CSGALNACT1: variants seen among roughly 807,000 people sequenced by gnomAD.
CSGALNACT1 encodes chondroitin sulfate N-acetylgalactosaminyltransferase 1.
A neutral mutation model predicts 51.0 loss-of-function variants in CSGALNACT1; 52 were observed. The ratio of observed to expected loss-of-function variants is 1.02; its 90% CI spans 0.82 to 1.29. CSGALNACT1 has a LOEUF of 1.29. Ranked by LOEUF, CSGALNACT1 falls within the 50% of genes most tolerant of loss-of-function variation. The pLI, the probability that CSGALNACT1 is intolerant of heterozygous loss-of-function variation, is 0.00. For missense variants in CSGALNACT1, 935 were observed against 679.2 expected (o/e 1.38, Z -4.19); for synonymous variants, 341 against 254.4 (o/e 1.34, Z -3.24).
chr8:19,658,378 C>A (rs976242116), intron 1 of CSGALNACT1, among the ~76,000 whole-genome samples: 1 of 152,126 alleles, frequency 6.6e-6, no homozygotes, highest in East Asian at 1.9e-4. Context: ...TTTCACCAAC[C>A]ATACTTTAAC....
At chr8:19,630,377 AAAAGT>A (rs2055080518) in intron 1 of CSGALNACT1, among the ~76,000 whole-genome samples, 1 of 152,100 alleles carries the variant, frequency 6.6e-6, no homozygotes, top group Non-Finnish European at 1.5e-5. Flanking sequence ...AAGTGAGAGA[AAAAGT>A]ACAGAGTTCC....
intron 1 of CSGALNACT1, among the ~76,000 whole-genome samples, chr8:19,746,194 A>T (rs1259267945): frequency 6.6e-6 from 1 of 152,174 alleles, no homozygotes; most frequent in Non-Finnish European, 1.5e-5. Flanking sequence ...CTAGCGTAGT[A>T]ATATATTCCT....
intron 6 of CSGALNACT1, among the ~76,000 whole-genome samples, chr8:19,422,914 T>A (rs2058173671): frequency 6.6e-6 from 1 of 152,248 alleles, no homozygotes; most frequent in African/African-American, 2.4e-5. Flanking sequence ...ATGTATTTAA[T>A]ATATACAGCC....
chr8:19,671,006 G>A (rs568051477), intron 1 of CSGALNACT1, among the ~76,000 whole-genome samples: 11 of 152,262 alleles, frequency 7.2e-5, no homozygotes, highest in East Asian at 3.9e-4. Context: ...GACATTAGAC[G>A]AAAACAAAAT....
At chr8:19,613,085 A>G (rs2052520493) in intron 1 of CSGALNACT1, among the ~76,000 whole-genome samples, 1 of 151,862 alleles carries the variant, frequency 6.6e-6, no homozygotes, top group South Asian at 2.1e-4. Flanking sequence ...TTCCAGAAAA[A>G]CACTTCTCAT....
At chr8:19,610,086 G>T (rs1336510069) in intron 1 of CSGALNACT1, among the ~76,000 whole-genome samples, 2 of 151,604 alleles carry the variant, frequency 1.3e-5, no homozygotes, top group East Asian at 3.9e-4. Context: ...GCCGGGCGTG[G>T]TTGAGGGTGC....
intron 2 of CSGALNACT1, among the ~76,000 whole-genome samples, chr8:19,591,727 A>G (rs2047864543): frequency 6.6e-6 from 1 of 151,996 alleles, no homozygotes; most frequent in Non-Finnish European, 1.5e-5. Flanking sequence ...AGTTTCAGAC[A>G]AGCTTGGGCA....
At chr8:19,564,533 G>A (rs2041504418) in intron 3 of CSGALNACT1, among the ~76,000 whole-genome samples, 1 of 151,942 alleles carries the variant, frequency 6.6e-6, no homozygotes, top group Non-Finnish European at 1.5e-5. Context: ...CAGCCACAAT[G>A]TTCCACATTT....
At chr8:19,495,892 T>C (rs1431379536) in intron 4 of CSGALNACT1, among the ~76,000 whole-genome samples, 1 of 152,164 alleles carries the variant, frequency 6.6e-6, no homozygotes, top group East Asian at 1.9e-4. Context: ...AGGAACAAGA[T>C]ATTACCTTTG....
At chr8:19,636,956 A>G (rs2154173846) in intron 1 of CSGALNACT1, among the ~76,000 whole-genome samples, 1 of 152,040 alleles carries the variant, frequency 6.6e-6, no homozygotes, top group East Asian at 1.9e-4. Flanking sequence ...TTGGGAGGCC[A>G]AGGAAGGCAG....
At chr8:19,439,804 T>C in intron 6 of CSGALNACT1, 26 bp downstream of exon 5, 1 of 1,572,246 alleles carries the variant, frequency 6.4e-7, no homozygotes, top group Non-Finnish European at 8.8e-7. Context: ...CCAGGATTCC[T>C]TATGACAGCT....
chr8:19,631,944 A>G (rs750691716), intron 1 of CSGALNACT1, among the ~76,000 whole-genome samples: 2 of 152,188 alleles, frequency 1.3e-5, no homozygotes, highest in African/African-American at 2.4e-5. Context: ...TTTTTTATGC[A>G]ATCTGGGACA....
At chr8:19,501,477 T>C (rs371836767) in intron 4 of CSGALNACT1, among the ~76,000 whole-genome samples, 3 of 152,166 alleles carry the variant, frequency 2.0e-5, no homozygotes, top group African/African-American at 7.2e-5. Context: ...CTGTGGAACA[T>C]AGCTTAGGTT....
In CSGALNACT1 at chr8:19,635,937, C is replaced by T. The variant is rs142635939; in HGVS notation, c.-543-34072G>A. On this transcript the variant is annotated intron_variant, in intron 1 of 9. Coordinates refer to the CSGALNACT1 transcript ENST00000332246. The stretch of plus-strand genomic sequence containing the variant: ...TAGAGACAGGGTTTCACCATGTTGG[C>T]CAGGCTGGTCTCGAACTCCTGACCT... Among the ~76,000 whole-genome samples, 3 of 152,260 alleles carry T rather than the reference C, an allele frequency of 2.0e-5. No homozygotes were observed. The South Asian group carries it at 6.2e-4, about 32-fold the overall frequency.
At chr8:19,630,966 GT>G (rs1490369810) in intron 1 of CSGALNACT1, among the ~76,000 whole-genome samples, 1 of 152,088 alleles carries the variant, frequency 6.6e-6, no homozygotes, top group Non-Finnish European at 1.5e-5. Flanking sequence ...ATATTGACAT[GT>G]TATTAACTAA....
chr8:19,670,655 A>C (rs1331767972), intron 1 of CSGALNACT1, among the ~76,000 whole-genome samples: 1 of 85,800 alleles, frequency 1.2e-5, no homozygotes, highest in South Asian at 3.7e-4. Context: ...GAAGACAAAA[A>C]AAAAAAAAAA....
chr8:19,493,628 T>C (rs575322029), intron 4 of CSGALNACT1, among the ~76,000 whole-genome samples: 1 of 152,210 alleles, frequency 6.6e-6, no homozygotes, highest in African/African-American at 2.4e-5. Flanking sequence ...TAACTTGATG[T>C]AATTTTCTCA....
In CSGALNACT1 at chr8:19,655,563, C is replaced by CATATAT. The variant is rs372331308; in HGVS notation, c.-544+26909_-544+26910insATATAT. Among the ~76,000 whole-genome samples, 41 of 127,020 alleles carry CATATAT rather than the reference C, an allele frequency of 3.2e-4. No homozygotes were observed. In the East Asian group the frequency reaches 0.011, roughly 35 times the overall value. 83.3% of individuals were successfully genotyped at this position (127,020 alleles called of 152,430 possible). On this transcript the variant is annotated intron_variant, in intron 1 of 9. Transcript: ENST00000332246. The stretch of plus-strand genomic sequence containing the variant: ...ACATCTATATGCACATATATATACA[C>CATATAT]ACACACACACACACACATATATATA...
upstream of CSGALNACT1, among the ~76,000 whole-genome samples, chr8:19,684,817 G>A (rs552132413): frequency 2.0e-5 from 3 of 152,300 alleles, no homozygotes; most frequent in East Asian, 5.8e-4. Context: ...TCTCCAAAGT[G>A]TCAGTCATTT....
Sources: gnomAD v4.1 joint callset for allele counts (sites outside exome capture counted in the v4.1 genomes callset) on GRCh38, gnomAD v4.1.1 for gene constraint, MANE v1.5 for transcripts, NCBI Gene and HGNC (gene_info 2026-07-23, HGNC 2026-07-21) for gene names.